The following DNAH5 variants were observed in gnomAD, a reference collection of about 807,000 sequenced individuals.
DNAH5 encodes dynein axonemal heavy chain 5.
DNAH5 carries 372 observed loss-of-function variants against 518.2 expected under a neutral mutation model. The observed-to-expected ratio is 0.72, with a 90% CI of 0.66 to 0.78. DNAH5 has a LOEUF of 0.78. Among genes scored for constraint, DNAH5 ranks in the 30% least tolerant of loss-of-function variants. DNAH5 has a pLI of 0.00. For synonymous variants in DNAH5, 2,039 were observed against 2,025.9 expected, an observed-to-expected ratio of 1.01 and a Z score of -0.17; for missense variants, 5,523 against 5,687.0, an observed-to-expected ratio of 0.97 and a Z score of 0.93.
rs371702448 is a variant in DNAH5 at position 13,855,239 on chromosome 5, C to T, written c.4950+4213G>A. Among the ~76,000 whole-genome samples, 10 of 40,592 alleles carry T rather than the reference C, an allele frequency of 2.5e-4. 2 individuals are homozygous for T. In the South Asian group the frequency reaches 3.9e-3, roughly 16 times the overall value. The allele number at this position is 40,592 out of a possible 152,430, so 26.6% of individuals were successfully genotyped here. A position where few individuals can be genotyped will look rare whatever the true frequency, so the allele number is the denominator to read the frequency against. On this transcript the variant is annotated intron_variant, in intron 30 of 78. Coordinates refer to ENST00000265104, the MANE Select transcript of DNAH5 (RefSeq NM_001369.3). Reference sequence around the variant, plus strand: ...TTTTTTTTTTTTTGAGACGGAGTCTCGCTCTGTCGCCCAGGCTGGAGTGCA... The same window carrying T: ...TTTTTTTTTTTTTGAGACGGAGTCTTGCTCTGTCGCCCAGGCTGGAGTGCA...
chr5:13,882,722 A>C lies in DNAH5; in HGVS notation c.3262+6T>G. ...GCCTCTTTTAAAAGACTAAAAGAAC[A>C]TTTACCTTGAAGTTCATTTTCTCCC... On this transcript the variant is annotated splice_donor_region_variant and intron_variant, in intron 21 of 78. Coordinates refer to ENST00000265104, the MANE Select transcript of DNAH5 (RefSeq NM_001369.3). 1 of 1,606,974 alleles carries C rather than the reference A, an allele frequency of 6.2e-7. No individual in the cohort carries two copies. The highest frequency in any genetic ancestry group is 8.5e-7 in the Non-Finnish European group (1 of 1,173,808).
chr5:13,776,788 C>A (rs1754156305), intron 54 of DNAH5, 82 bp from the exon 55 acceptor site: 4 of 1,490,744 alleles, frequency 2.7e-6, no homozygotes, highest in Admixed American at 1.7e-5. Context: ...CACAGAATGT[C>A]TTTTCTCCAT....
At chr5:13,989,587 C>G (rs926072295) in intron 1 of DNAH5, among the ~76,000 whole-genome samples, 3 of 151,246 alleles carry the variant, frequency 2.0e-5, no homozygotes, top group African/African-American at 7.3e-5. Context: ...GGGTTCACGC[C>G]GTTCTCCTGC....
intron 59 of DNAH5, among the ~76,000 whole-genome samples, chr5:13,764,210 T>G (rs1236601796): frequency 6.6e-6 from 1 of 152,094 alleles, no homozygotes; most frequent in Non-Finnish European, 1.5e-5. Context: ...TGGGCAAAGA[T>G]CTCCTAAACA....
intron 8 of DNAH5, among the ~76,000 whole-genome samples, 162 bp downstream of exon 8, chr5:13,916,981 C>T (rs926068208): frequency 3.9e-5 from 6 of 152,016 alleles, no homozygotes; most frequent in East Asian, 3.8e-4. Context: ...GATATTTGTG[C>T]GTCTGCGTGT....
chr5:13,949,913 T>G (rs1272781823), intron 1 of DNAH5, among the ~76,000 whole-genome samples: 6 of 152,156 alleles, frequency 3.9e-5, no homozygotes, highest in Non-Finnish European at 8.8e-5. Context: ...GGCCTCTGAT[T>G]AACAACGAGC....
Position 13,914,636 on chromosome 5 carries a change from T to C in DNAH5, c.1204A>G (p.Asn402Asp). 1 of 1,612,916 alleles carries C rather than the reference T, an allele frequency of 6.2e-7. No homozygotes were observed. Among genetic ancestry groups the C allele is most frequent in the Non-Finnish European group, 8.5e-7 (1 of 1,179,088 alleles). Residue 402 changes from asparagine to aspartate, a missense_variant, in exon 10 of 79, where the codon AAT becomes GAT. Physicochemically the swap from Asn to Asp is conservative, Grantham distance 23. This residue lies in a region of DNAH5 where 5,121 missense variants were observed against 5,223.3 expected (regional missense o/e 0.98). Coordinates refer to ENST00000265104, the MANE Select transcript of DNAH5 (RefSeq NM_001369.3). Reference sequence around the variant, plus strand: ...GCTTTACATGCAGATATAATCTGATTTGTCACCTGGGATTTTCCAATAAAA... The same window carrying C: ...GCTTTACATGCAGATATAATCTGATCTGTCACCTGGGATTTTCCAATAAAA... ...KITSLFVKVTNQIISACKAYI... is the reference protein window; with the variant it reads ...KITSLFVKVTDQIISACKAYI...
intron 53 of DNAH5, among the ~76,000 whole-genome samples, chr5:13,778,680 G>A (rs1265807574): frequency 7.2e-5 from 11 of 152,132 alleles, no homozygotes; most frequent in Non-Finnish European, 1.3e-4. Context: ...TTTTCAACCC[G>A]ATCTCTTGGA....
At chr5:13,720,480 T>C (rs1024503449) in intron 71 of DNAH5, among the ~76,000 whole-genome samples, 2 of 152,190 alleles carry the variant, frequency 1.3e-5, no homozygotes, top group Non-Finnish European at 2.9e-5. Context: ...CCTTCCCAGA[T>C]CAAGTGATCC....
At chr5:13,850,510 A>G in intron 31 of DNAH5, 142 bp downstream of exon 31, 1 of 706,238 alleles carries the variant, frequency 1.4e-6, no homozygotes. Context: ...AAGGCTTCAA[A>G]ATATCAGTTT....
intron 3 of DNAH5, among the ~76,000 whole-genome samples, chr5:13,927,533 C>A (rs1313269264): frequency 8.6e-5 from 13 of 151,644 alleles, no homozygotes; most frequent in African/African-American, 3.2e-4. Context: ...TAAATAACAA[C>A]AACAAAAAAA....
intron 42 of DNAH5, among the ~76,000 whole-genome samples, chr5:13,815,681 G>A (rs1053226063): frequency 8.5e-5 from 13 of 152,128 alleles, no homozygotes; most frequent in Non-Finnish European, 1.6e-4. Context: ...GAACCTGAAG[G>A]GCAAAAAGAG....
intron 1 of DNAH5, among the ~76,000 whole-genome samples, chr5:13,974,691 T>A (rs1782111407): frequency 6.6e-6 from 1 of 152,256 alleles, no homozygotes; most frequent in South Asian, 2.1e-4. Context: ...CTACCCACCC[T>A]CTTTTCCTGG....
intron 1 of DNAH5, among the ~76,000 whole-genome samples, chr5:13,964,193 A>G (rs964188560): frequency 1.3e-5 from 2 of 152,044 alleles, no homozygotes; most frequent in African/African-American, 4.8e-5. Context: ...CCTTTAGTTG[A>G]CAATCATGGC....
At chr5:13,893,038 T>TC (rs1305483756) in intron 16 of DNAH5, among the ~76,000 whole-genome samples, 1 of 152,132 alleles carries the variant, frequency 6.6e-6, no homozygotes, top group Non-Finnish European at 1.5e-5. Flanking sequence ...CTCACTCTAC[T>TC]CCCCTCCAAC....
chr5:13,770,655 TC>T (rs1447720364), intron 56 of DNAH5, 93 bp downstream of exon 56: 1 of 1,094,320 alleles, frequency 9.1e-7, no homozygotes, highest in Non-Finnish European at 1.4e-6. Flanking sequence ...ACACAAAATG[TC>T]TCCGGTCATT....
At chr5:13,931,979 T>C (rs1297680828) in intron 1 of DNAH5, 1 of 152,332 alleles carries the variant, frequency 6.6e-6, no homozygotes, top group African/African-American at 2.4e-5. Context: ...CCATACTTTA[T>C]TCAACTATTT....
chr5:13,902,681 C>T (rs1426862163), intron 12 of DNAH5, among the ~76,000 whole-genome samples: 3 of 152,220 alleles, frequency 2.0e-5, no homozygotes, highest in Non-Finnish European at 4.4e-5. Context: ...GGGCAGGGCA[C>T]TGTCTGGCTC....
In DNAH5 at chr5:13,883,020, T is replaced by C. The variant is rs1169532892; in HGVS notation, c.3058A>G (p.Asn1020Asp). The change falls in exon 20 of 79, where the codon AAC (asparagine) becomes GAC (aspartate). Residue 1020 changes from asparagine (N) to aspartate (D), a missense_variant. By Grantham distance (23) the Asn-to-Asp change is conservative. Transcript: ENST00000265104. ...FRASVTLAIP[N>D]IVMAPALEDV... ...TCCAGGGCAGGGGCCATGACGATGT[T>C]GGGAATGGCCAGAGTGACGCTTGCC... 1 of 1,614,202 alleles carries C rather than the reference T, an allele frequency of 6.2e-7. No individual in the cohort carries two copies. The highest frequency in any genetic ancestry group is 1.1e-5 in the South Asian group (1 of 91,082).
Sources: gnomAD v4.1 joint callset for allele counts (sites outside exome capture counted in the v4.1 genomes callset) on GRCh38, gnomAD v4.1.1 for gene constraint, gnomAD v4.1.1 regional missense constraint, MANE v1.5 for transcripts, NCBI Gene and HGNC (gene_info 2026-07-23, HGNC 2026-07-21) for gene names.